The following SLC27A4 variants were observed in gnomAD, a reference collection of about 807,000 sequenced individuals.
The protein encoded by SLC27A4 is solute carrier family 27 member 4.
A neutral mutation model predicts 64.4 loss-of-function variants in SLC27A4; 33 were observed. That is an observed-to-expected ratio of 0.51 (90% CI 0.39 to 0.68). The LOEUF (loss-of-function observed/expected upper bound fraction) is 0.68. SLC27A4 is among the 30% of genes least tolerant of loss of function. The probability of loss-of-function intolerance (pLI) is 0.00; values close to 1 mark genes in which losing one functional copy is unlikely to be tolerated. For missense variants in SLC27A4, 824 were observed against 883.5 expected, an observed-to-expected ratio of 0.93 and a Z score of 0.85; for synonymous variants, 377 against 370.0, an observed-to-expected ratio of 1.02 and a Z score of -0.22.
intron 6 of SLC27A4, 102 bp downstream of exon 6, chr9:128,350,677 C>A: frequency 1.1e-6 from 1 of 941,456 alleles, no homozygotes; most frequent in Non-Finnish European, 1.7e-6. Flanking sequence ...AGCTTTGGGC[C>A]AGGCGCAGTG....
chr9:128,342,783 C>G (rs1379520729), intron 1 of SLC27A4: 6 of 412,476 alleles, frequency 1.5e-5, no homozygotes, highest in Non-Finnish European at 2.7e-5. Flanking sequence ...AAGAACACGT[C>G]TCACTACACC....
chr9:128,342,351 A>C, intron 1 of SLC27A4: 1 of 1,611,756 alleles, frequency 6.2e-7, no homozygotes, highest in Non-Finnish European at 8.5e-7. Context: ...AGGAGAAGCA[A>C]GCAAGCGAAT....
At chr9:128,357,979 A>G (rs986871818) in intron 12 of SLC27A4, among the ~76,000 whole-genome samples, 1 of 152,162 alleles carries the variant, frequency 6.6e-6, no homozygotes, top group African/African-American at 2.4e-5. Flanking sequence ...CGGAGGATTG[A>G]GCAGCACCAT....
At position 128,345,081 on chromosome 9, in the gene SLC27A4, A is replaced by C; in HGVS notation, c.162-74A>C. The C allele has an allele frequency of 6.3e-7, 1 of 1,591,800 alleles. No individual in the cohort carries two copies. The highest frequency in any genetic ancestry group is 8.6e-7 in the Non-Finnish European group (1 of 1,166,218). On this transcript the variant is annotated intron_variant, in intron 2 of 12. Coordinates refer to ENST00000300456, the MANE Select transcript of SLC27A4 (RefSeq NM_005094.4). This position sits in a 1 kb window ranked among gnomAD's most constrained non-coding sequence, Gnocchi z 4.1. Reference sequence around the variant, plus strand: ...ATGAAGCATAGGCTGGCGAGGCAGCAGCCTGGGGTAGGGTGTCAGGACCCC... The same window carrying C: ...ATGAAGCATAGGCTGGCGAGGCAGCCGCCTGGGGTAGGGTGTCAGGACCCC...
rs764982484 is a variant in SLC27A4, at chr9:128,361,129, G to T, written c.*638G>T. On this transcript the variant is annotated 3_prime_UTR_variant, in exon 13 of 13. Transcript: ENST00000300456. ...AGGGCCTCTCAGTCCTTGTGGGTCTGTGTCACCTCCATCTCAGTCTTGGCC... is the reference window on the plus strand; with the variant it reads ...AGGGCCTCTCAGTCCTTGTGGGTCTTTGTCACCTCCATCTCAGTCTTGGCC... The T allele has an allele frequency of 6.3e-6, 1 of 158,810 alleles. No individual in the cohort carries two copies. The highest frequency in any genetic ancestry group is 1.4e-5 in the Non-Finnish European group (1 of 71,448). The allele number at this position is 158,810 out of a possible 1,614,324, so 9.8% of individuals were successfully genotyped here. A position where few individuals can be genotyped will look rare whatever the true frequency, so the allele number is the denominator to read the frequency against.
rs1832889919 is a variant in SLC27A4 at position 128,360,721 on chromosome 9, C to G, written c.*230C>G. ...TTCCGTCTTCTGGGCTGGGCAGGCCCTCTGGTTCCCAGGCTGAGACTGACG... is the reference window on the plus strand; with the variant it reads ...TTCCGTCTTCTGGGCTGGGCAGGCCGTCTGGTTCCCAGGCTGAGACTGACG... On this transcript the variant is annotated 3_prime_UTR_variant, in exon 13 of 13. Coordinates refer to ENST00000300456, the MANE Select transcript of SLC27A4 (RefSeq NM_005094.4). 1.8e-6 allele frequency: 1 copy of G among 561,740 alleles called. No individual in the cohort carries two copies. 34.8% of individuals were successfully genotyped at this position (561,740 alleles called of 1,614,324 possible).
rs1041109035 is a variant in SLC27A4 at position 128,353,019 on chromosome 9, C to G, written c.988-6C>G. ...GAGCCTCGAATCACACCAAGTTCAC[C>G]CCCAGATTGTGCAGTACATTGGTGA... On this transcript the variant is annotated splice_polypyrimidine_tract_variant and splice_region_variant and intron_variant, in intron 7 of 12. Coordinates refer to ENST00000300456, the MANE Select transcript of SLC27A4 (RefSeq NM_005094.4). The surrounding 1 kb of genome is among the most constrained non-coding windows in gnomAD (Gnocchi z 4.9). 1.2e-6 allele frequency: 2 copies of G among 1,611,578 alleles called. No homozygotes were observed. Among genetic ancestry groups the G allele is most frequent in the Admixed American group, 3.3e-5 (2 of 59,744 alleles).
rs201906435 is a variant in SLC27A4 at position 128,353,530 on chromosome 9, C to G, written c.1313C>G (p.Pro438Arg). 3 of 1,613,890 alleles carry G rather than the reference C, an allele frequency of 1.9e-6. No homozygotes were observed. The highest frequency in any genetic ancestry group is 2.5e-6 in the Non-Finnish European group (3 of 1,179,984). The change falls in exon 9 of 13, where the codon CCC becomes CGC. Residue 438 changes from proline to arginine, a missense_variant. By Grantham distance (103) the Pro-to-Arg change is moderately radical. Coordinates refer to ENST00000300456, the MANE Select transcript of SLC27A4 (RefSeq NM_005094.4). The surrounding 1 kb of genome is among the most constrained non-coding windows in gnomAD (Gnocchi z 4.9). ...LIRGPDGVCI[P>R]CQPGEPGQLV... ...CGGGGGCCCGACGGCGTCTGCATTCCCTGCCAGCCAGGTCTGCCACTTCGG... is the reference window on the plus strand; with the variant it reads ...CGGGGGCCCGACGGCGTCTGCATTCGCTGCCAGCCAGGTCTGCCACTTCGG...
intron 12 of SLC27A4, among the ~76,000 whole-genome samples, chr9:128,358,635 T>TG (rs1832854515): frequency 6.6e-6 from 1 of 152,104 alleles, no homozygotes; most frequent in South Asian, 2.1e-4. Context: ...TTATTAGACA[T>TG]GGGGTTTTGC....
At chr9:128,342,798 G>A (rs1417820179) in intron 1 of SLC27A4, 5 of 463,404 alleles carry the variant, frequency 1.1e-5, no homozygotes, top group African/African-American at 9.9e-5. Context: ...TACACCCATT[G>A]CACAGAGGGC....
rs761633153 is a variant in SLC27A4, at chr9:128,348,575, C to G, written c.587C>G (p.Pro196Arg). The change falls in exon 4 of 13, where the codon CCC becomes CGC. Residue 196 changes from proline to arginine, a missense_variant. By Grantham distance (103) the Pro-to-Arg change is moderately radical (BLOSUM62 -2). Coordinates refer to ENST00000300456, the MANE Select transcript of SLC27A4 (RefSeq NM_005094.4). ...AICEVHASLD[P>R]SLSLFCSGSW... ...TGTGAGGTCCATGCCAGCCTGGACC[C>G]CTCGCTCAGCCTCTTCTGCTCTGGC... 2 of 1,613,422 alleles carry G rather than the reference C, an allele frequency of 1.2e-6. No individual in the cohort carries two copies. Among genetic ancestry groups the G allele is most frequent in the East Asian group, 4.5e-5 (2 of 44,884 alleles).
intron 2 of SLC27A4, among the ~76,000 whole-genome samples, chr9:128,344,851 G>A (rs1832629438): frequency 6.6e-6 from 1 of 152,190 alleles, no homozygotes; most frequent in African/African-American, 2.4e-5. Context: ...TCTGGAGCCA[G>A]AGAGGCCTAG....
rs1003203297 is a variant in SLC27A4, at chr9:128,355,741, G to A, written c.1719G>A (p.Leu573=). 2.5e-6 allele frequency: 4 copies of A among 1,613,794 alleles called. No homozygotes were observed. The highest frequency in any genetic ancestry group is 2.2e-5 in the South Asian group (2 of 91,082). The part of the protein sequence containing the change: ...ERFAQVLEKE[L]PLYARPIFLR... ...TTGCTCAGGTCTTGGAGAAGGAACT[G>A]CCCCTGTATGCGCGCCCCATCTTCC... is the stretch of plus-strand genomic sequence containing the variant. The change falls in exon 12 of 13, where the codon CTG becomes CTA. Residue 573 remains leucine, a synonymous_variant. Coordinates refer to ENST00000300456, the MANE Select transcript of SLC27A4 (RefSeq NM_005094.4).
chr9:128,347,904 G>A (rs1188704291), intron 3 of SLC27A4, among the ~76,000 whole-genome samples: 3 of 150,274 alleles, frequency 2.0e-5, no homozygotes, highest in African/African-American at 7.3e-5. Context: ...AGAAAGGAAA[G>A]AAAAAAATGG....
rs1188819074 is a variant in SLC27A4, at chr9:128,340,757, C to T, written c.-88C>T. On this transcript the variant is annotated 5_prime_UTR_variant, in exon 1 of 13. Coordinates refer to ENST00000300456, the MANE Select transcript of SLC27A4 (RefSeq NM_005094.4). ...AGACCCGGCTCCGTGCGTCCAGGGG[C>T]GGCTAATGCCCCTCACGCTGTCTAC... 6.0e-6 allele frequency: 4 copies of T among 662,708 alleles called. No homozygotes were observed. The highest frequency in any genetic ancestry group is 3.2e-5 in the East Asian group (1 of 31,662). The allele number at this position is 662,708 out of a possible 1,614,324, so 41.1% of individuals were successfully genotyped here.
chr9:128,344,633 T>TC (rs1832626192), intron 2 of SLC27A4, among the ~76,000 whole-genome samples: 1 of 152,180 alleles, frequency 6.6e-6, no homozygotes, highest in South Asian at 2.1e-4. Context: ...GAGTGTTGAA[T>TC]AAGACAGAAG....
chr9:128,346,112 GCTGGTCTCAGACT>G (rs1223150745), intron 3 of SLC27A4, among the ~76,000 whole-genome samples: 38 of 152,150 alleles, frequency 2.5e-4, no homozygotes, highest in Admixed American at 2.3e-3. Context: ...TGTTGCCCAG[GCTGGTCTCAGACT>G]CTTGAGTTCA....
intron 12 of SLC27A4, among the ~76,000 whole-genome samples, chr9:128,357,260 TCAAAA>T (rs1832834426): frequency 1.1e-5 from 1 of 87,268 alleles, no homozygotes; most frequent in South Asian, 4.1e-4. Context: ...AGACTCTGTC[TCAAAA>T]AAAAAAAAAA....
chr9:128,344,137 GAGAAAAAGCGGCTGT>G (rs1185253522), intron 2 of SLC27A4, among the ~76,000 whole-genome samples: 1 of 152,152 alleles, frequency 6.6e-6, no homozygotes, highest in Non-Finnish European at 1.5e-5. Context: ...AGGCCTCCTG[GAGAAAAAGCGGCTGT>G]ACTTGAGAGG....
Sources: gnomAD v4.1 joint callset for allele counts (sites outside exome capture counted in the v4.1 genomes callset) on GRCh38, gnomAD v4.1.1 for gene constraint, Gnocchi (gnomAD v3.1) non-coding constraint, MANE v1.5 for transcripts, NCBI Gene and HGNC (gene_info 2026-07-23, HGNC 2026-07-21) for gene names.